The following ADH7 variants were observed in gnomAD, a reference collection of about 807,000 sequenced individuals.
ADH7 encodes alcohol dehydrogenase 7 (class IV), mu or sigma polypeptide.
In ADH7, 41 loss-of-function variants were observed where a neutral mutation model predicts 34.4. The ratio of observed to expected loss-of-function variants is 1.19; its 90% CI spans 0.93 to 1.55. ADH7 has a LOEUF of 1.55. ADH7 is among the 40% of genes most tolerant of loss of function. The pLI, the probability that ADH7 is intolerant of heterozygous loss-of-function variation, is 0.00. For synonymous variants in ADH7, 180 were observed against 160.9 expected (o/e 1.12, Z -0.90); for missense variants, 540 against 461.2 (o/e 1.17, Z -1.56).
chr4:99,428,089 G>C lies in ADH7; in HGVS notation c.345C>G (p.Ser115Arg), dbSNP rs141541308. ...AAGTAAAAATGACTGAAACCTACTC[G>C]CTCCTAATGCAAAGGTTGCCATCTG... ...RNPDGNLCIR[S>R]DITGRGVLAD... Residue 115 changes from serine (S) to arginine (R), a missense_variant and splice_region_variant, in exon 4 of 9, where the codon AGC (serine) becomes AGG (arginine). Ser to Arg is a moderately radical substitution (Grantham distance 110, BLOSUM62 -1). Transcript: ENST00000437033. The C allele has an allele frequency of 1.6e-4, 266 of 1,613,598 alleles. No individual in the cohort carries two copies. The highest frequency in any genetic ancestry group is 2.2e-4 in the Non-Finnish European group (258 of 1,179,770).
At chr4:99,423,126 T>C (rs1405376044) in intron 5 of ADH7, among the ~76,000 whole-genome samples, 2 of 149,402 alleles carry the variant, frequency 1.3e-5, no homozygotes, top group African/African-American at 4.9e-5. Context: ...GAACATGCGG[T>C]GTTTGTTTTT....
At chr4:99,435,090 C>A in intron 1 of ADH7, 126 bp downstream of exon 1, 2 of 1,549,666 alleles carry the variant, frequency 1.3e-6, no homozygotes, top group Non-Finnish European at 1.7e-6. Flanking sequence ...TATGCCTGCT[C>A]ACCAAGCATT....
At chr4:99,414,957 G>T (rs1236058583) in intron 8 of ADH7, among the ~76,000 whole-genome samples, 1 of 152,134 alleles carries the variant, frequency 6.6e-6, no homozygotes, top group Non-Finnish European at 1.5e-5. Context: ...TGGTGATATG[G>T]TTAGACTTTG....
At chr4:99,415,845 C>T in intron 7 of ADH7, 1 of 295,676 alleles carries the variant, frequency 3.4e-6, no homozygotes, top group Non-Finnish European at 6.3e-6. Context: ...AGCTGGAAAC[C>T]ATCATTCTCA....
chr4:99,425,174 AC>A lies in ADH7; in HGVS notation c.564+2598del, dbSNP rs759948188. Among the ~76,000 whole-genome samples, 760 of 152,230 alleles carry A rather than the reference AC, an allele frequency of 5.0e-3. 1 individual carries two copies. The highest frequency in any genetic ancestry group is 8.6e-3 in the Non-Finnish European group (582 of 68,016). ...AACTAATGAGCAAAATAACCAGCTA[AC>A]ATCATCATGACAGGATCAAATTCAC... On this transcript the variant is annotated intron_variant, in intron 5 of 8. Transcript: ENST00000437033.
At chr4:99,435,109 C>G in intron 1 of ADH7, 107 bp downstream of exon 1, 1 of 1,552,424 alleles carries the variant, frequency 6.4e-7, no homozygotes, top group Non-Finnish European at 8.7e-7. Flanking sequence ...TTTCATTCCT[C>G]AAGGAATATC....
intron 7 of ADH7, among the ~76,000 whole-genome samples, chr4:99,417,959 G>GT (rs1191951175): frequency 6.6e-6 from 1 of 152,106 alleles, no homozygotes; most frequent in Admixed American, 6.5e-5. Flanking sequence ...CCCAAGTAAT[G>GT]TTGCAGAAAG....
chr4:99,427,958 T>A lies in ADH7; in HGVS notation c.379A>T (p.Thr127Ser). 1 of 1,614,026 alleles carries A rather than the reference T, an allele frequency of 6.2e-7. No individual in the cohort carries two copies. The highest frequency in any genetic ancestry group is 8.5e-7 in the Non-Finnish European group (1 of 1,179,926). ...TTGCCCTTGCATGTAAATCTGGTGG[T>A]GCCATCAGCCAGTACTCCACGACCA... ...ITGRGVLADG[T>S]TRFTCKGKPV... Residue 127 changes from threonine to serine, a missense_variant, in exon 5 of 9, where the codon ACC (threonine) becomes TCC (serine). Transcript: ENST00000437033.
rs990463481 is a variant in ADH7 at position 99,412,273 on chromosome 4, T to A, written c.*875A>T. The A allele has an allele frequency of 6.6e-6, 1 of 152,114 alleles. No homozygotes were observed. Among genetic ancestry groups the A allele is most frequent in the African/African-American group, 2.4e-5 (1 of 41,444 alleles). 9.4% of individuals were successfully genotyped at this position (152,114 alleles called of 1,614,324 possible). ...TATCACCACAAAACATTTTATATAA[T>A]TTTTAATTTTCTTAAGAATTTTTAA... On this transcript the variant is annotated 3_prime_UTR_variant, in exon 9 of 9. Coordinates refer to ENST00000437033, the MANE Select transcript of ADH7 (RefSeq NM_000673.7).
chr4:99,431,723 C>T (rs1317805291), intron 1 of ADH7, among the ~76,000 whole-genome samples: 2 of 152,074 alleles, frequency 1.3e-5, no homozygotes, highest in African/African-American at 4.8e-5. Context: ...TGAAAAAATA[C>T]TCAACATCAC....
intron 5 of ADH7, among the ~76,000 whole-genome samples, chr4:99,425,003 G>T (rs1005906148): frequency 3.3e-5 from 5 of 151,816 alleles, no homozygotes. Flanking sequence ...TATGACATTG[G>T]CTGTGGATTT....
intron 5 of ADH7, 92 bp from the exon 6 acceptor site, chr4:99,420,885 T>C (rs1466047268): frequency 3.4e-6 from 4 of 1,162,900 alleles, no homozygotes; most frequent in Non-Finnish European, 4.9e-6. Context: ...AAATCATGAG[T>C]GAACTCCCAT....
chr4:99,418,940 A>G, intron 7 of ADH7, 46 bp downstream of exon 7: 4 of 1,603,202 alleles, frequency 2.5e-6, no homozygotes, highest in Middle Eastern at 3.8e-4. Flanking sequence ...GCCAAGCACC[A>G]GAGTGAAAGC....
chr4:99,415,291 GT>G (rs35672109), intron 8 of ADH7, 186 bp downstream of exon 8: 128,529 of 560,118 alleles, frequency 0.23, 5,458 homozygotes, highest in East Asian at 0.45. Context: ...GTCTCGGGCA[GT>G]TTTTTTTTTT....
At chr4:99,428,838 C>A (rs1440166691) in intron 2 of ADH7, among the ~76,000 whole-genome samples, 2 of 152,140 alleles carry the variant, frequency 1.3e-5, no homozygotes, top group African/African-American at 4.8e-5. Flanking sequence ...CTCCCTTATA[C>A]CCTAGGTTGA....
In ADH7 at chr4:99,412,971, C is replaced by A; in HGVS notation, c.*177G>T. 2.0e-6 allele frequency: 1 copy of A among 512,206 alleles called. No individual in the cohort carries two copies. Among genetic ancestry groups the A allele is most frequent in the Admixed American group, 3.6e-5 (1 of 27,454 alleles). The allele number at this position is 512,206 out of a possible 1,614,324, so 31.7% of individuals were successfully genotyped here. ...GTTATTATACTAATTCCCAGGTGCT[C>A]ACAAGACTTTAAATGTTTATAAAGG... On this transcript the variant is annotated 3_prime_UTR_variant, in exon 9 of 9. Coordinates refer to ENST00000437033, the MANE Select transcript of ADH7 (RefSeq NM_000673.7).
intron 7 of ADH7, among the ~76,000 whole-genome samples, chr4:99,416,738 C>T (rs925914481): frequency 6.6e-6 from 1 of 152,074 alleles, no homozygotes; most frequent in Admixed American, 6.6e-5. Context: ...CATCCTAAAC[C>T]TCTACCTGTA....
At position 99,415,478 on chromosome 4, in the gene ADH7, C is replaced by A. The variant is rs1721495188; in HGVS notation, c.1100G>T (p.Ser367Ile). The change falls in exon 8 of 9, where the codon AGC becomes ATC. Residue 367 changes from serine (S) to isoleucine (I), a missense_variant and splice_region_variant. Transcript: ENST00000437033. The part of the protein sequence containing the change: ...EGFELLNSGQ[S>I]IRTVLTF ...CAAGATCATCATAAGAAACAGTTAC[C>A]TTTGTCCTGAATTGAGCAGCTCAAA... The A allele has an allele frequency of 1.2e-6, 2 of 1,610,376 alleles. No homozygotes were observed. Among genetic ancestry groups the A allele is most frequent in the Middle Eastern group, 1.7e-4 (1 of 6,052 alleles).
chr4:99,413,306 A>G (rs1721450433), intron 8 of ADH7, 134 bp from the exon 9 acceptor site: 1 of 912,344 alleles, frequency 1.1e-6, no homozygotes, highest in Non-Finnish European at 1.7e-6. Context: ...CTGGGCTCAA[A>G]GTCCTTAACA....
Sources: allele counts gnomAD v4.1 joint callset (sites outside exome capture counted in the v4.1 genomes callset), GRCh38; gene constraint gnomAD v4.1.1; transcripts MANE v1.5; gene names NCBI Gene and HGNC (gene_info 2026-07-23, HGNC 2026-07-21).